Variants in KIAA1217 observed in about 807,000 individuals in gnomAD.
KIAA1217 encodes the protein KIAA1217.
KIAA1217 carries 88 observed loss-of-function variants against 163.9 expected under a neutral mutation model. The ratio of observed to expected loss-of-function variants is 0.54; its 90% CI spans 0.45 to 0.64. The LOEUF is 0.64. KIAA1217 is among the 30% of genes least tolerant of loss of function. The pLI, the probability that KIAA1217 is intolerant of heterozygous loss-of-function variation, is 0.00. For missense variants in KIAA1217, 2,372 were observed against 2,475.0 expected (o/e 0.96, Z 0.88); for synonymous variants, 903 against 923.1 (o/e 0.98, Z 0.39).
At chr10:24,214,811 T>C (rs942425377) in intron 1 of KIAA1217, among the ~76,000 whole-genome samples, 2 of 152,198 alleles carry the variant, frequency 1.3e-5, no homozygotes. Context: ...GTCTGTGGCC[T>C]ACCTAATCTT....
At chr10:23,826,569 A>G (rs527702820) in intron 1 of KIAA1217, among the ~76,000 whole-genome samples, 14 of 151,922 alleles carry the variant, frequency 9.2e-5, no homozygotes, top group African/African-American at 3.1e-4. Flanking sequence ...TTGGTTTATG[A>G]CTCCTCCTCA....
At chr10:24,269,596 C>T (rs1002432553) in intron 2 of KIAA1217, among the ~76,000 whole-genome samples, 3 of 152,102 alleles carry the variant, frequency 2.0e-5, no homozygotes, top group African/African-American at 7.2e-5. Flanking sequence ...AACATGAAGG[C>T]TAATACTTGA....
At chr10:24,245,016 T>G (rs1054223265) in intron 2 of KIAA1217, among the ~76,000 whole-genome samples, 5 of 152,038 alleles carry the variant, frequency 3.3e-5, no homozygotes, top group African/African-American at 9.7e-5. Context: ...CTAGAGCTCT[T>G]ATAGAAAAGG....
intron 1 of KIAA1217, among the ~76,000 whole-genome samples, chr10:23,763,857 CA>C (rs1337573423): frequency 1.3e-5 from 2 of 151,628 alleles, no homozygotes; most frequent in Admixed American, 6.6e-5. Flanking sequence ...ATTTGGCTTC[CA>C]AAAAAACCCA....
rs1373375878 is a variant in KIAA1217, at chr10:24,088,282, T to C, written c.-171+80908T>C. Among the ~76,000 whole-genome samples the C allele has an allele frequency of 1.1e-4, 11 of 96,518 alleles. 2 individuals carry two copies. The highest frequency in any genetic ancestry group is 2.3e-4 in the Non-Finnish European group (10 of 44,262). 63.3% of individuals were successfully genotyped at this position (96,518 alleles called of 152,430 possible). ...ATATATATATATATATATACACACATATATGTGTATATATATATATATATT... is the reference window on the plus strand; with the variant it reads ...ATATATATATATATATATACACACACATATGTGTATATATATATATATATT... On this transcript the variant is annotated intron_variant, in intron 2 of 18. Coordinates refer to the KIAA1217 transcript ENST00000376462.
chr10:24,245,720 C>A (rs767197733), intron 2 of KIAA1217, among the ~76,000 whole-genome samples: 5 of 152,116 alleles, frequency 3.3e-5, no homozygotes, highest in East Asian at 1.9e-4. Context: ...CAGCCTCAAC[C>A]TCCCGGGCTC....
chr10:24,521,845 G>A lies in KIAA1217; in HGVS notation c.2372G>A (p.Arg791Gln), dbSNP rs1351845734. Reference protein sequence around the residue: ...AILRIEVEAVRFLKEEPHKLD... With the variant: ...AILRIEVEAVQFLKEEPHKLD... ...CTGCGCATAGAAGTGGAGGCCGTGCGGTTTCTGAAGGAGGAGCCACACAAG... is the reference window on the plus strand; with the variant it reads ...CTGCGCATAGAAGTGGAGGCCGTGCAGTTTCTGAAGGAGGAGCCACACAAG... The change falls in exon 12 of 21, where the codon CGG becomes CAG. Residue 791 changes from arginine (R) to glutamine (Q), a missense_variant. Arg to Gln is a conservative substitution (Grantham distance 43). Transcript: ENST00000376454. 6.8e-6 allele frequency: 11 copies of A among 1,613,882 alleles called. No individual in the cohort carries two copies. Among genetic ancestry groups the A allele is most frequent in the Non-Finnish European group, 9.3e-6 (11 of 1,180,014 alleles).
chr10:24,252,302 G>C lies in KIAA1217; in HGVS notation c.354+32393G>C, dbSNP rs147499823. The stretch of plus-strand genomic sequence containing the variant: ...GTAAGCATCAGATCATTTTGAACTG[G>C]TGAGATGGCTCACACCTGGAATTCC... On this transcript the variant is annotated intron_variant, in intron 2 of 20. Coordinates refer to ENST00000376454, the MANE Select transcript of KIAA1217 (RefSeq NM_019590.5). Among the ~76,000 whole-genome samples the C allele has an allele frequency of 2.4e-3, 370 of 152,292 alleles. 1 individual carries two copies. Among genetic ancestry groups the C allele is most frequent in the Non-Finnish European group, 4.7e-3 (317 of 68,018 alleles).
chr10:24,185,142 C>T (rs1044193505), intron 2 of KIAA1217, among the ~76,000 whole-genome samples: 1 of 152,138 alleles, frequency 6.6e-6, no homozygotes, highest in Non-Finnish European at 1.5e-5. Flanking sequence ...AACTTCTTTG[C>T]TAAAGAGGGA....
At chr10:23,785,946 AG>A (rs1482549245) in intron 1 of KIAA1217, among the ~76,000 whole-genome samples, 5 of 152,192 alleles carry the variant, frequency 3.3e-5, no homozygotes, top group Non-Finnish European at 7.3e-5. Context: ...AAGAAAAAGG[AG>A]GAGACCAATG....
intron 1 of KIAA1217, among the ~76,000 whole-genome samples, chr10:23,917,703 C>T (rs1188397927): frequency 6.6e-6 from 1 of 152,152 alleles, no homozygotes; most frequent in African/African-American, 2.4e-5. Context: ...AGGGCTCTCC[C>T]CAGCTGTCCA....
intron 1 of KIAA1217, among the ~76,000 whole-genome samples, chr10:24,212,115 G>A (rs943565470): frequency 6.6e-6 from 1 of 151,858 alleles, no homozygotes. Flanking sequence ...AGAGAGAGGA[G>A]GGGAGGAGAG....
At chr10:24,494,701 A>C (rs2066554841) in intron 7 of KIAA1217, 97 bp downstream of exon 7, 3 of 893,610 alleles carry the variant, frequency 3.4e-6, no homozygotes, top group Non-Finnish European at 5.1e-6. Context: ...TCTTGTAATC[A>C]TTTCAAGGCT....
intron 1 of KIAA1217, among the ~76,000 whole-genome samples, chr10:23,704,113 CACAT>C (rs1465576788): frequency 7.2e-6 from 1 of 139,060 alleles, no homozygotes; most frequent in African/African-American, 2.7e-5. Context: ...ATTATGCACA[CACAT>C]ACACATATAT....
At chr10:23,867,114 T>C (rs981556437) in intron 1 of KIAA1217, among the ~76,000 whole-genome samples, 5 of 151,640 alleles carry the variant, frequency 3.3e-5, no homozygotes, top group South Asian at 2.1e-4. Context: ...GATTTTTTGT[T>C]CTTGCGATAG....
In KIAA1217 at chr10:24,254,856, A is replaced by AT. The variant is rs201463239; in HGVS notation, c.354+34962dup. Among the ~76,000 whole-genome samples the AT allele has an allele frequency of 4.9e-3, 705 of 142,944 alleles. 1 individual carries two copies. Among genetic ancestry groups the AT allele is most frequent in the African/African-American group, 8.2e-3 (321 of 39,140 alleles). 93.8% of individuals were successfully genotyped at this position (142,944 alleles called of 152,430 possible). A position where few individuals can be genotyped will look rare whatever the true frequency, so the allele number is the denominator to read the frequency against. On this transcript the variant is annotated intron_variant, in intron 2 of 20. Coordinates refer to ENST00000376454, the MANE Select transcript of KIAA1217 (RefSeq NM_019590.5). ...CTCCGTCCAACTCTGTTCAACTCTA[A>AT]TTTTTTTTTTTTTTTGAGACGGAGT...
chr10:23,723,561 T>C (rs1837977791), intron 1 of KIAA1217, among the ~76,000 whole-genome samples: 1 of 152,236 alleles, frequency 6.6e-6, no homozygotes, highest in Admixed American at 6.5e-5. Context: ...TGTTGCACAT[T>C]TACTGCTTCA....
At chr10:24,375,412 G>C (rs200845805) in intron 2 of KIAA1217, among the ~76,000 whole-genome samples, 1 of 152,210 alleles carries the variant, frequency 6.6e-6, no homozygotes, top group East Asian at 1.9e-4. Flanking sequence ...CAAAGTGAGA[G>C]TTTATTAATT....
At chr10:24,403,939 A>G (rs1305968898) in intron 3 of KIAA1217, among the ~76,000 whole-genome samples, 1 of 152,096 alleles carries the variant, frequency 6.6e-6, no homozygotes, top group African/African-American at 2.4e-5. Flanking sequence ...GCTAGAAAGT[A>G]GTTTTGCAGT....
Sources: allele counts gnomAD v4.1 joint callset (sites outside exome capture counted in the v4.1 genomes callset), GRCh38; gene constraint gnomAD v4.1.1; transcripts MANE v1.5; gene names NCBI Gene and HGNC (gene_info 2026-07-23, HGNC 2026-07-21).